Variants in ZNF385D observed in about 807,000 individuals in gnomAD.
ZNF385D encodes the protein zinc finger protein 659.
In ZNF385D, 15 loss-of-function variants were observed where a neutral mutation model predicts 35.8. The observed-to-expected ratio is 0.42, with a 90% CI of 0.28 to 0.64. The LOEUF is 0.64. Ranked by LOEUF, ZNF385D falls within the 30% of genes least tolerant of loss-of-function variation. The probability of loss-of-function intolerance (pLI) is 0.23; values close to 1 mark genes in which losing one functional copy is unlikely to be tolerated. For synonymous variants in ZNF385D, 212 were observed against 186.8 expected (o/e 1.13, Z -1.10); for missense variants, 474 against 494.6 (o/e 0.96, Z 0.39).
intron 3 of ZNF385D, among the ~76,000 whole-genome samples, chr3:22,036,933 A>G (rs1157699887): frequency 1.4e-5 from 2 of 140,270 alleles, no homozygotes; most frequent in African/African-American, 2.7e-5. Flanking sequence ...TCATTGTTCA[A>G]TTCCCACCTA....
intron 2 of ZNF385D, among the ~76,000 whole-genome samples, chr3:22,293,841 C>G (rs1407513268): frequency 6.6e-6 from 1 of 152,092 alleles, no homozygotes; most frequent in Non-Finnish European, 1.5e-5. Flanking sequence ...GCCTAGTGAT[C>G]TGTTCCTGCA....
chr3:22,149,445 C>G (rs142912778), intron 3 of ZNF385D, among the ~76,000 whole-genome samples: 2 of 152,164 alleles, frequency 1.3e-5, no homozygotes, highest in Non-Finnish European at 2.9e-5. Context: ...GATTCTTAAG[C>G]TTGAGCATGC....
chr3:22,255,772 T>C (rs970834907), intron 2 of ZNF385D, among the ~76,000 whole-genome samples: 1 of 150,110 alleles, frequency 6.7e-6, no homozygotes, highest in African/African-American at 2.4e-5. Flanking sequence ...AGAGTTTAAA[T>C]TTCATATCCT....
At chr3:21,868,641 T>C (rs1210513236) in intron 3 of ZNF385D, among the ~76,000 whole-genome samples, 12 of 152,156 alleles carry the variant, frequency 7.9e-5, no homozygotes, top group African/African-American at 1.9e-4. Context: ...GGGACAATTC[T>C]TGGTTCCAAC....
chr3:21,558,347 A>G (rs1470409400), intron 3 of ZNF385D, among the ~76,000 whole-genome samples: 4 of 130,864 alleles, frequency 3.1e-5, no homozygotes, highest in African/African-American at 1.0e-4. Context: ...AGATTCTGGT[A>G]CATTGTGTCT....
At chr3:22,309,748 G>T (rs540197025) in intron 2 of ZNF385D, among the ~76,000 whole-genome samples, 1 of 152,064 alleles carries the variant, frequency 6.6e-6, no homozygotes, top group East Asian at 1.9e-4. Context: ...GAAAAGAGTA[G>T]TATTCTCTCT....
intron 3 of ZNF385D, among the ~76,000 whole-genome samples, chr3:21,993,406 G>A (rs1695265381): frequency 6.6e-6 from 1 of 151,898 alleles, no homozygotes; most frequent in Non-Finnish European, 1.5e-5. Flanking sequence ...GTCTCTCTCT[G>A]GTCTCTCCTA....
intron 1 of ZNF385D, among the ~76,000 whole-genome samples, chr3:21,731,205 A>G (rs936522310): frequency 6.6e-6 from 1 of 152,190 alleles, no homozygotes; most frequent in Non-Finnish European, 1.5e-5. Context: ...ATTCTTAAAC[A>G]TTTACCAATC....
At chr3:21,945,171 TATAGTGAG>T (rs1368533927) in intron 3 of ZNF385D, among the ~76,000 whole-genome samples, 30 of 150,862 alleles carry the variant, frequency 2.0e-4, no homozygotes, top group African/African-American at 7.4e-4. Context: ...CACATATATA[TATAGTGAG>T]AGAGAGAGAG....
intron 3 of ZNF385D, among the ~76,000 whole-genome samples, chr3:21,812,354 C>G (rs561713213): frequency 5.9e-5 from 9 of 152,342 alleles, no homozygotes; most frequent in Non-Finnish European, 8.8e-5. Flanking sequence ...GCTTGTTGGA[C>G]AGTGGGGGCA....
At chr3:21,753,848 C>A (rs983839561), upstream of ZNF385D, among the ~76,000 whole-genome samples, 2 of 152,010 alleles carry the variant, frequency 1.3e-5, no homozygotes, top group Non-Finnish European at 1.5e-5. Context: ...CCCTAATACT[C>A]TCACCCTGCA....
At chr3:22,155,233 A>G (rs898170014) in intron 3 of ZNF385D, among the ~76,000 whole-genome samples, 2 of 152,154 alleles carry the variant, frequency 1.3e-5, no homozygotes, top group African/African-American at 4.8e-5. Context: ...AGAAGTACAG[A>G]AAAACATTAT....
At chr3:21,819,130 T>TA (rs1391356645) in intron 3 of ZNF385D, among the ~76,000 whole-genome samples, 1 of 151,852 alleles carries the variant, frequency 6.6e-6, no homozygotes, top group Non-Finnish European at 1.5e-5. Context: ...TTAAGTGCTT[T>TA]AATCACTAAA....
At chr3:21,710,373 G>T (rs1238371070) in intron 1 of ZNF385D, among the ~76,000 whole-genome samples, 1 of 152,156 alleles carries the variant, frequency 6.6e-6, no homozygotes, top group African/African-American at 2.4e-5. Context: ...GGGGTAGGGT[G>T]ATATGGTTAA....
rs73821340 is a variant in ZNF385D at position 22,257,841 on chromosome 3, C to A, written c.107-88806G>T. Among the ~76,000 whole-genome samples the A allele has an allele frequency of 6.5e-3, 981 of 151,890 alleles. 5 individuals are homozygous for A. The highest frequency in any genetic ancestry group is 0.023 in the African/African-American group (945 of 41,526). Reference sequence around the variant, plus strand: ...AATAAATAAAAATTCCTGGTGACTTCTTCATAGATCACACAATTTTGTATC... The same window carrying A: ...AATAAATAAAAATTCCTGGTGACTTATTCATAGATCACACAATTTTGTATC... On this transcript the variant is annotated intron_variant, in intron 2 of 5. Coordinates refer to the ZNF385D transcript ENST00000494108.
intron 2 of ZNF385D, among the ~76,000 whole-genome samples, chr3:22,201,374 TTTAC>T (rs1318087972): frequency 6.6e-6 from 1 of 152,134 alleles, no homozygotes; most frequent in Non-Finnish European, 1.5e-5. Context: ...ATAAAAAGTT[TTTAC>T]TTACTTGTGA....
intron 3 of ZNF385D, among the ~76,000 whole-genome samples, chr3:21,909,910 A>G (rs1699879338): frequency 6.6e-6 from 1 of 152,074 alleles, no homozygotes; most frequent in Non-Finnish European, 1.5e-5. Context: ...CATTGTTGAT[A>G]TATGGAATAA....
Position 21,704,060 on chromosome 3 carries a change from A to C in ZNF385D, c.23-39032T>G, listed in dbSNP as rs114352924. ...AAAGAAATTGTTGTGCCCCTTTTTC[A>C]TATGCTTTTCAAGTTAAAAGCAATG... On this transcript the variant is annotated intron_variant, in intron 1 of 7. Coordinates refer to ENST00000281523, the MANE Select transcript of ZNF385D (RefSeq NM_024697.3). 7.9e-3 allele frequency among the ~76,000 whole-genome samples: 1,200 copies of C among 152,302 alleles called. 13 individuals are homozygous for C. The highest frequency in any genetic ancestry group is 0.026 in the African/African-American group (1,096 of 41,566).
chr3:21,821,742 T>C (rs1030658061), intron 3 of ZNF385D, among the ~76,000 whole-genome samples: 3 of 152,048 alleles, frequency 2.0e-5, no homozygotes, highest in Admixed American at 6.6e-5. Flanking sequence ...AGGAGGACCA[T>C]GTCAGCTCAG....
Sources: allele counts gnomAD v4.1 joint callset (sites outside exome capture counted in the v4.1 genomes callset), GRCh38; gene constraint gnomAD v4.1.1; transcripts MANE v1.5; gene names NCBI Gene and HGNC (gene_info 2026-07-23, HGNC 2026-07-21).